MAML2: variants seen among roughly 807,000 people sequenced by gnomAD.
MAML2 encodes mastermind like transcriptional coactivator 2.
MAML2 carries 22 observed loss-of-function variants against 96.1 expected under a neutral mutation model. The ratio of observed to expected loss-of-function variants is 0.23; its 90% CI spans 0.16 to 0.33. MAML2 has a LOEUF of 0.33. Among genes scored for constraint, MAML2 ranks in the 10% least tolerant of loss-of-function variants. The pLI is 1.00. For missense variants in MAML2, 1,367 were observed against 1,392.4 expected (o/e 0.98, Z 0.29); for synonymous variants, 561 against 521.3 (o/e 1.08, Z -1.04).
At chr11:96,042,623 T>A (rs1858833328) in intron 2 of MAML2, among the ~76,000 whole-genome samples, 1 of 152,128 alleles carries the variant, frequency 6.6e-6, no homozygotes, top group African/African-American at 2.4e-5. Context: ...TACCTTTTCG[T>A]CTTTAAGCCA....
chr11:96,312,494 C>T (rs558269804), intron 1 of MAML2, among the ~76,000 whole-genome samples: 11 of 152,032 alleles, frequency 7.2e-5, no homozygotes, highest in Non-Finnish European at 1.5e-4. Context: ...TAGGAAGCCC[C>T]GAGAGCTCAT....
chr11:96,004,965 G>A (rs1244406237), intron 2 of MAML2, among the ~76,000 whole-genome samples: 1 of 152,136 alleles, frequency 6.6e-6, no homozygotes, highest in South Asian at 2.1e-4. Flanking sequence ...CAGGGATTAG[G>A]TGCCCTTATA....
At chr11:96,156,839 A>C (rs980942276) in intron 1 of MAML2, among the ~76,000 whole-genome samples, 1 of 152,208 alleles carries the variant, frequency 6.6e-6, no homozygotes, top group Non-Finnish European at 1.5e-5. Flanking sequence ...ACAATGTTTC[A>C]TCTCTGAGAT....
chr11:96,170,147 A>G (rs1861262836), intron 1 of MAML2, among the ~76,000 whole-genome samples: 1 of 152,212 alleles, frequency 6.6e-6, no homozygotes, highest in African/African-American at 2.4e-5. Context: ...CATGTGCTAC[A>G]GTGCACCTGC....
intron 1 of MAML2, among the ~76,000 whole-genome samples, chr11:96,118,304 T>G (rs1003071876): frequency 6.9e-6 from 1 of 144,070 alleles, no homozygotes; most frequent in Admixed American, 6.9e-5. Flanking sequence ...TTGTAATCAT[T>G]GTAATCCCCA....
chr11:96,303,114 T>C (rs993201264), intron 1 of MAML2, among the ~76,000 whole-genome samples: 2 of 152,196 alleles, frequency 1.3e-5, no homozygotes, highest in African/African-American at 4.8e-5. Context: ...ACGGGCTCAT[T>C]TGTATTAAGC....
chr11:96,099,285 G>C (rs903083311), intron 1 of MAML2, among the ~76,000 whole-genome samples: 2 of 152,164 alleles, frequency 1.3e-5, no homozygotes, highest in African/African-American at 2.4e-5. Flanking sequence ...GATTCTTGAA[G>C]TAAAAATGTT....
chr11:96,185,913 G>A (rs1013859975), intron 1 of MAML2, among the ~76,000 whole-genome samples: 5 of 152,102 alleles, frequency 3.3e-5, no homozygotes, highest in South Asian at 2.1e-4. Flanking sequence ...GCATCAATGC[G>A]TGGTGCACAG....
chr11:95,988,711 T>C (rs1271793930), intron 3 of MAML2, among the ~76,000 whole-genome samples: 1 of 151,946 alleles, frequency 6.6e-6, no homozygotes, highest in Non-Finnish European at 1.5e-5. Context: ...GTTGTTCTTT[T>C]GTGCTGAAGA....
intron 4 of MAML2, among the ~76,000 whole-genome samples, chr11:95,985,250 G>T (rs923805622): frequency 6.6e-6 from 1 of 152,156 alleles, no homozygotes; most frequent in African/African-American, 2.4e-5. Context: ...TATATCTTTG[G>T]AAGGAGAATG....
intron 1 of MAML2, among the ~76,000 whole-genome samples, chr11:96,327,800 A>T (rs1162873646): frequency 1.3e-5 from 2 of 152,106 alleles, no homozygotes; most frequent in East Asian, 1.9e-4. Context: ...GTTCATATAT[A>T]TTAAAAATAA....
At chr11:96,066,453 G>A (rs1325275388) in intron 2 of MAML2, among the ~76,000 whole-genome samples, 1 of 152,148 alleles carries the variant, frequency 6.6e-6, no homozygotes, top group East Asian at 1.9e-4. Context: ...CACAGAGGAT[G>A]AATAAAATTA....
intron 1 of MAML2, among the ~76,000 whole-genome samples, chr11:96,194,949 T>C (rs1381048028): frequency 6.6e-6 from 1 of 152,240 alleles, no homozygotes; most frequent in African/African-American, 2.4e-5. Context: ...GATACCATTC[T>C]TTGATACATA....
intron 1 of MAML2, among the ~76,000 whole-genome samples, chr11:96,252,024 G>A (rs565836144): frequency 6.6e-6 from 1 of 151,954 alleles, no homozygotes; most frequent in Admixed American, 6.6e-5. Context: ...GAGCCACCGC[G>A]CCCAGTCAAT....
chr11:96,067,136 C>T (rs1429078570), intron 2 of MAML2, among the ~76,000 whole-genome samples: 1 of 152,184 alleles, frequency 6.6e-6, no homozygotes, highest in Non-Finnish European at 1.5e-5. Flanking sequence ...GCCAGAGTCC[C>T]TTGTGACATA....
intron 2 of MAML2, among the ~76,000 whole-genome samples, chr11:96,006,731 T>C (rs1858183864): frequency 6.6e-6 from 1 of 151,348 alleles, no homozygotes; most frequent in South Asian, 2.1e-4. Flanking sequence ...GCTAATTTTT[T>C]GTATGTTTAG....
intron 1 of MAML2, among the ~76,000 whole-genome samples, chr11:96,171,146 T>C (rs1432060989): frequency 6.6e-6 from 1 of 152,054 alleles, no homozygotes; most frequent in Non-Finnish European, 1.5e-5. Context: ...CCAAGGTAAT[T>C]GATGGTGGGA....
At chr11:96,094,372 T>C (rs1859789271) in intron 1 of MAML2, among the ~76,000 whole-genome samples, 1 of 152,188 alleles carries the variant, frequency 6.6e-6, no homozygotes, top group African/African-American at 2.4e-5. Context: ...TTTTCTCATC[T>C]AGAAAATGGG....
chr11:96,017,492 C>A (rs531349374), intron 2 of MAML2, among the ~76,000 whole-genome samples: 5 of 147,410 alleles, frequency 3.4e-5, no homozygotes, highest in Non-Finnish European at 6.0e-5. Flanking sequence ...GTAAATAAAT[C>A]AGAGCTCTGG....
Sources: allele counts gnomAD v4.1 joint callset (sites outside exome capture counted in the v4.1 genomes callset), GRCh38; gene constraint gnomAD v4.1.1; transcripts MANE v1.5; gene names NCBI Gene and HGNC (gene_info 2026-07-23, HGNC 2026-07-21).